KLF7: variants seen among roughly 807,000 people sequenced by gnomAD.
KLF7 encodes the protein Krueppel-like factor 7.
A neutral mutation model predicts 27.3 loss-of-function variants in KLF7; 2 were observed. The observed-to-expected ratio is 0.07, with a 90% CI of 0.03 to 0.23. The LOEUF (loss-of-function observed/expected upper bound fraction) is 0.23, where lower values mean the gene tolerates loss of function less well. Ranked by LOEUF, KLF7 falls within the 10% of genes least tolerant of loss-of-function variation. KLF7 has a pLI of 1.00. For missense variants in KLF7, 221 were observed against 394.1 expected, an observed-to-expected ratio of 0.56 and a Z score of 3.72; for synonymous variants, 165 against 162.4, an observed-to-expected ratio of 1.02 and a Z score of -0.12.
At chr2:207,089,848 G>A (rs573961509) in intron 2 of KLF7, among the ~76,000 whole-genome samples, 4 of 152,182 alleles carry the variant, frequency 2.6e-5, no homozygotes, top group South Asian at 2.1e-4. Flanking sequence ...ATTAAAAACC[G>A]CCAAACTCAA....
chr2:207,079,015 C>CGT lies in KLF7; in HGVS notation c.*2196_*2197dup, dbSNP rs1334211085. The CGT allele has an allele frequency of 6.6e-6, 1 of 151,402 alleles. No individual in the cohort carries two copies. 9.4% of individuals were successfully genotyped at this position (151,402 alleles called of 1,614,324 possible). A position where few individuals can be genotyped will look rare whatever the true frequency, so the allele number is the denominator to read the frequency against. ...TGGACAGATTTTGTGTGTGTGTGCGCGTGTGTGTTAACGGGTGTTCTTTCT... is the reference window on the plus strand; with the variant it reads ...TGGACAGATTTTGTGTGTGTGTGCGCGTGTGTGTGTTAACGGGTGTTCTTTCT... On this transcript the variant is annotated 3_prime_UTR_variant, in exon 4 of 4. Coordinates refer to ENST00000309446, the MANE Select transcript of KLF7 (RefSeq NM_003709.4).
At chr2:207,167,877 AATACTAAATATTAGCT>A (rs2078753687), upstream of KLF7, among the ~76,000 whole-genome samples, 1 of 152,206 alleles carries the variant, frequency 6.6e-6, no homozygotes, top group Non-Finnish European at 1.5e-5. Flanking sequence ...CTATTAGGTG[AATACTAAATATTAGCT>A]ATCATTGTCT....
intron 2 of KLF7, among the ~76,000 whole-genome samples, chr2:207,101,936 C>G (rs2076773975): frequency 6.6e-6 from 1 of 152,158 alleles, no homozygotes; most frequent in Non-Finnish European, 1.5e-5. Flanking sequence ...ACTTAGAATG[C>G]TGGACACATG....
chr2:207,167,219 TG>T, upstream of KLF7: 2 of 1,266,240 alleles, frequency 1.6e-6, no homozygotes, highest in Admixed American at 6.6e-5. Flanking sequence ...GGAGTTGGGA[TG>T]TAGACATAGA....
chr2:207,087,402 C>T (rs2076414858), intron 3 of KLF7, among the ~76,000 whole-genome samples: 1 of 152,098 alleles, frequency 6.6e-6, no homozygotes, highest in African/African-American at 2.4e-5. Context: ...ACACCCCTTC[C>T]CTATTCACCA....
chr2:207,130,838 A>G (rs2077612015), intron 1 of KLF7, among the ~76,000 whole-genome samples: 1 of 152,238 alleles, frequency 6.6e-6, no homozygotes, highest in Admixed American at 6.5e-5. Flanking sequence ...TGTATACTCA[A>G]GTTAGTAAGT....
chr2:207,166,142 G>A (rs2078701355), upstream of KLF7: 2 of 984,216 alleles, frequency 2.0e-6, no homozygotes, highest in African/African-American at 1.8e-5. Context: ...TCGGTTCTCC[G>A]CGCAGCCGTG....
In KLF7 at chr2:207,102,757, T is replaced by C. The variant is rs541244062; in HGVS notation, c.734-14176A>G. On this transcript the variant is annotated intron_variant, in intron 2 of 3. Coordinates refer to ENST00000309446, the MANE Select transcript of KLF7 (RefSeq NM_003709.4). The stretch of plus-strand genomic sequence containing the variant: ...CAGCAACCGCCAGTTGTCCTCTATA[T>C]TCATTCTCCCCTTATCCCTAGGTAA... Among the ~76,000 whole-genome samples the C allele has an allele frequency of 3.3e-5, 5 of 152,324 alleles. No homozygotes were observed. In the East Asian group the frequency reaches 9.6e-4, roughly 29 times the overall value.
Position 207,123,760 on chromosome 2 carries a change from A to G in KLF7, c.733+14T>C. 1.2e-6 allele frequency: 2 copies of G among 1,604,396 alleles called. No individual in the cohort carries two copies. Among genetic ancestry groups the G allele is most frequent in the Non-Finnish European group, 1.7e-6 (2 of 1,174,818 alleles). On this transcript the variant is annotated intron_variant, in intron 2 of 3. Transcript: ENST00000309446. ...GGAAAGAAGAAACCACGTGCGGCCA[A>G]CTTGTACCACTACCTGTGTGAGTCC...
intron 2 of KLF7, among the ~76,000 whole-genome samples, chr2:207,089,624 G>C (rs2076466049): frequency 6.6e-6 from 1 of 152,154 alleles, no homozygotes; most frequent in Non-Finnish European, 1.5e-5. Flanking sequence ...GTGGTTAAGA[G>C]CTTTGAAGCC....
chr2:207,091,900 T>G (rs889499707), intron 2 of KLF7, among the ~76,000 whole-genome samples: 14 of 152,206 alleles, frequency 9.2e-5, no homozygotes, highest in Non-Finnish European at 4.4e-5. Context: ...ACATTTGTTT[T>G]CATCCTTAAA....
At chr2:207,130,044 T>C (rs2077581882) in intron 1 of KLF7, among the ~76,000 whole-genome samples, 1 of 152,224 alleles carries the variant, frequency 6.6e-6, no homozygotes, top group South Asian at 2.1e-4. Flanking sequence ...AACCTGTCTT[T>C]ATCTCATCAC....
intron 1 of KLF7, among the ~76,000 whole-genome samples, chr2:207,144,794 G>A (rs749014187): frequency 3.9e-5 from 6 of 152,168 alleles, no homozygotes; most frequent in African/African-American, 7.2e-5. Flanking sequence ...TCAAGTAAAT[G>A]TCTTATCTTT....
chr2:207,159,660 T>C (rs1326779890), intron 1 of KLF7, among the ~76,000 whole-genome samples: 1 of 152,226 alleles, frequency 6.6e-6, no homozygotes, highest in African/African-American at 2.4e-5. Flanking sequence ...CCACAAAGTG[T>C]GACTAGGTCC....
chr2:207,141,260 T>A (rs2077935524), intron 1 of KLF7, among the ~76,000 whole-genome samples: 1 of 152,132 alleles, frequency 6.6e-6, no homozygotes, highest in Admixed American at 6.6e-5. Context: ...GTATCTCAAT[T>A]TCAGACTCTG....
At chr2:207,151,434 T>G (rs1166500208) in intron 1 of KLF7, among the ~76,000 whole-genome samples, 1 of 151,988 alleles carries the variant, frequency 6.6e-6, no homozygotes, top group Non-Finnish European at 1.5e-5. Flanking sequence ...CTAATACTCC[T>G]CAAGTTCTGG....
intron 1 of KLF7, chr2:207,134,051 G>GC: frequency 2.0e-6 from 3 of 1,532,022 alleles, no homozygotes; most frequent in Non-Finnish European, 2.6e-6. Flanking sequence ...AACTCCCTGG[G>GC]CCCCTTTACA....
upstream of KLF7, among the ~76,000 whole-genome samples, chr2:207,167,810 T>C (rs879654571): frequency 3.9e-5 from 6 of 152,236 alleles, no homozygotes; most frequent in Non-Finnish European, 5.9e-5. Flanking sequence ...CCGCGTTGTC[T>C]AGTTGTTATG....
At chr2:207,118,184 TTTC>T (rs1416227588) in intron 2 of KLF7, among the ~76,000 whole-genome samples, 14 of 152,222 alleles carry the variant, frequency 9.2e-5, no homozygotes, top group Non-Finnish European at 1.6e-4. Flanking sequence ...AATACTGACC[TTTC>T]TTATTTGATA....
Sources: gnomAD v4.1 joint callset for allele counts (sites outside exome capture counted in the v4.1 genomes callset) on GRCh38, gnomAD v4.1.1 for gene constraint, MANE v1.5 for transcripts, NCBI Gene and HGNC (gene_info 2026-07-23, HGNC 2026-07-21) for gene names.